Variants in PKD2L2 observed in about 807,000 individuals in gnomAD.
PKD2L2 encodes polycystin-2-like protein 2.
Under a neutral mutation model 83.9 loss-of-function variants are expected in PKD2L2, and 67 were observed. That is an observed-to-expected ratio of 0.80 (90% CI 0.66 to 0.98). The LOEUF (loss-of-function observed/expected upper bound fraction) is 0.98. PKD2L2 is among the 50% of genes least tolerant of loss of function. PKD2L2 has a pLI of 0.00. For synonymous variants in PKD2L2, 223 were observed against 237.8 expected (o/e 0.94, Z 0.57); for missense variants, 632 against 717.2 (o/e 0.88, Z 1.36).
At chr5:137,930,902 G>T (rs1421238120) in intron 12 of PKD2L2, among the ~76,000 whole-genome samples, 1 of 151,992 alleles carries the variant, frequency 6.6e-6, no homozygotes, top group Non-Finnish European at 1.5e-5. Flanking sequence ...ATAAACAATA[G>T]TAGTAGTATA....
chr5:137,940,043 C>T (rs759994293), intron 14 of PKD2L2: 3 of 1,613,464 alleles, frequency 1.9e-6, no homozygotes, highest in East Asian at 4.5e-5. Context: ...ATCACTTACG[C>T]TCCCTTGAGA....
At chr5:137,913,527 C>T (rs1260153155) in intron 8 of PKD2L2, among the ~76,000 whole-genome samples, 3 of 144,460 alleles carry the variant, frequency 2.1e-5, no homozygotes, top group African/African-American at 7.8e-5. Flanking sequence ...CTCACTCTGT[C>T]ACCCAGGCTC....
chr5:137,936,096 T>C (rs1041827310), intron 13 of PKD2L2, among the ~76,000 whole-genome samples, 187 bp downstream of exon 13: 1 of 152,216 alleles, frequency 6.6e-6, no homozygotes, highest in African/African-American at 2.4e-5. Flanking sequence ...TTTGATTACA[T>C]CCCTGTTATC....
At chr5:137,890,294 T>A (rs1561670077) in intron 1 of PKD2L2, 187 bp from the exon 2 acceptor site, 1 of 458,786 alleles carries the variant, frequency 2.2e-6, no homozygotes, top group Non-Finnish European at 3.9e-6. Flanking sequence ...AAAAAAAATC[T>A]GTTATTAATA....
At chr5:137,892,163 T>C (rs1001990859) in intron 2 of PKD2L2, among the ~76,000 whole-genome samples, 4 of 152,214 alleles carry the variant, frequency 2.6e-5, no homozygotes, top group Non-Finnish European at 5.9e-5. Flanking sequence ...CACCATACTA[T>C]ATTGCCTTAC....
chr5:137,921,772 ATTCCT>A lies in PKD2L2; in HGVS notation c.1449+20_1449+24del, dbSNP rs753052945. 2.7e-5 allele frequency: 41 copies of A among 1,543,680 alleles called. No individual in the cohort carries two copies. The highest frequency in any genetic ancestry group is 1.7e-4 in the Middle Eastern group (1 of 5,904). ...TGTCCTGCTGGTAAGAATAATACATATTCCTTTCATTTCTTACTTTTTAGAATAAA... is the reference window on the plus strand; with the variant it reads ...TGTCCTGCTGGTAAGAATAATACATATTCATTTCTTACTTTTTAGAATAAA... On this transcript the variant is annotated intron_variant, in intron 9 of 14. Coordinates refer to ENST00000508883, the MANE Select transcript of PKD2L2 (RefSeq NM_001300921.2).
chr5:137,890,044 G>A (rs1755811583), intron 1 of PKD2L2: 1 of 160,076 alleles, frequency 6.2e-6, no homozygotes, highest in African/African-American at 2.4e-5. Flanking sequence ...CAACACTTTG[G>A]GAGGCCGAGG....
Position 137,906,269 on chromosome 5 carries a change from G to C in PKD2L2, c.810G>C (p.Lys270Asn), listed in dbSNP as rs1757357516. 1 of 1,612,696 alleles carries C rather than the reference G, an allele frequency of 6.2e-7. No individual in the cohort carries two copies. The highest frequency in any genetic ancestry group is 1.3e-5 in the African/African-American group (1 of 75,004). The change falls in exon 6 of 15, where the codon AAG becomes AAC. Residue 270 changes from lysine to asparagine, a missense_variant. Lys to Asn is a moderately conservative substitution (Grantham distance 94). Coordinates refer to ENST00000508883, the MANE Select transcript of PKD2L2 (RefSeq NM_001300921.2). ...CTTCATGGCAGTTTTACTCTGTGAA[G>C]CTCCTCAGATATGTTAGCTACTATG... is the stretch of plus-strand genomic sequence containing the variant. ...ILTSWQFYSV[K>N]LLRYVSYYDY...
At chr5:137,891,915 A>C (rs1460890578) in intron 2 of PKD2L2, among the ~76,000 whole-genome samples, 3 of 152,058 alleles carry the variant, frequency 2.0e-5, no homozygotes, top group African/African-American at 7.2e-5. Flanking sequence ...CGAACTCCTG[A>C]TCTCAGGTGA....
intron 14 of PKD2L2, chr5:137,940,303 T>G (rs761980022): frequency 6.2e-7 from 1 of 1,609,358 alleles, no homozygotes; most frequent in African/African-American, 1.3e-5. Flanking sequence ...TCTTGTACTC[T>G]CTGTACTCCT....
chr5:137,903,052 C>T (rs974771041), intron 5 of PKD2L2, among the ~76,000 whole-genome samples: 1 of 152,178 alleles, frequency 6.6e-6, no homozygotes, highest in Admixed American at 6.5e-5. Context: ...AAATATTTCT[C>T]ATGTGTTTAC....
At position 137,889,491 on chromosome 5, in the gene PKD2L2, C is replaced by A; in HGVS notation, c.-1C>A. On this transcript the variant is annotated 5_prime_UTR_variant, in exon 1 of 15. Coordinates refer to ENST00000508883, the MANE Select transcript of PKD2L2 (RefSeq NM_001300921.2). ...AACGGGCGGTGTAGTGCAGGTCCGC[C>A]ATGGCTGAGGCGTCACGGTGGCACC... 1 of 1,567,868 alleles carries A rather than the reference C, an allele frequency of 6.4e-7. No homozygotes were observed. Among genetic ancestry groups the A allele is most frequent in the Non-Finnish European group, 8.6e-7 (1 of 1,162,688 alleles).
chr5:137,925,451 T>C (rs1228239951), intron 11 of PKD2L2, among the ~76,000 whole-genome samples: 2 of 152,192 alleles, frequency 1.3e-5, no homozygotes, highest in African/African-American at 4.8e-5. Flanking sequence ...ATGCCTGCCA[T>C]CCTACTCAGA....
At chr5:137,936,477 A>G (rs1156679628) in intron 14 of PKD2L2, 50 bp downstream of exon 14, 27 of 1,439,494 alleles carry the variant, frequency 1.9e-5, no homozygotes, top group South Asian at 1.5e-4. Context: ...TTTTTTTGAG[A>G]CGGAGTCTCG....
intron 5 of PKD2L2, among the ~76,000 whole-genome samples, chr5:137,905,851 G>A (rs1757321337): frequency 6.6e-6 from 1 of 151,996 alleles, no homozygotes; most frequent in East Asian, 1.9e-4. Flanking sequence ...TAACAGTATA[G>A]CATTTTCTTG....
Position 137,940,151 on chromosome 5 carries a change from C to A in PKD2L2, c.*18-2233C>A, listed in dbSNP as rs373460054. On this transcript the variant is annotated intron_variant, in intron 14 of 14. Coordinates refer to ENST00000508883, the MANE Select transcript of PKD2L2 (RefSeq NM_001300921.2). ...GTGCCTGACAAAACGAATTTAAGTA[C>A]CAGCCAAGTACACACGATGATAGCT... 6.8e-6 allele frequency: 11 copies of A among 1,613,262 alleles called. No individual in the cohort carries two copies. The African/African-American group carries it at 1.5e-4, about 22-fold the overall frequency.
chr5:137,890,364 G>A (rs1755852813), intron 1 of PKD2L2, 117 bp from the exon 2 acceptor site: 1 of 627,936 alleles, frequency 1.6e-6, no homozygotes, highest in African/African-American at 2.0e-5. Flanking sequence ...ATAGCCAGAA[G>A]CTATTGGAGC....
chr5:137,936,460 CT>C (rs375553066), intron 14 of PKD2L2, 33 bp downstream of exon 14: 116,960 of 1,151,382 alleles, frequency 0.1, 2 homozygotes, highest in South Asian at 0.15. Flanking sequence ...TTGAGCATTT[CT>C]TTTTTTTTTT....
At chr5:137,930,528 G>A (rs541935849) in intron 12 of PKD2L2, among the ~76,000 whole-genome samples, 21 of 151,738 alleles carry the variant, frequency 1.4e-4, no homozygotes, top group Non-Finnish European at 2.2e-4. Flanking sequence ...AAAATTAGCC[G>A]GGTGTGGTGG....
Sources: gnomAD v4.1 joint callset for allele counts (sites outside exome capture counted in the v4.1 genomes callset) on GRCh38, gnomAD v4.1.1 for gene constraint, MANE v1.5 for transcripts, NCBI Gene and HGNC (gene_info 2026-07-23, HGNC 2026-07-21) for gene names.